Variants in GATAD2B observed in about 807,000 individuals in gnomAD.
GATAD2B encodes the protein transcriptional repressor p66-beta.
A neutral mutation model predicts 64.3 loss-of-function variants in GATAD2B; 8 were observed. The ratio of observed to expected loss-of-function variants is 0.12; its 90% CI spans 0.07 to 0.22. The LOEUF is 0.22. Among genes scored for constraint, GATAD2B ranks in the 10% least tolerant of loss-of-function variants. The pLI is 1.00. For missense variants in GATAD2B, 453 were observed against 752.0 expected (o/e 0.60, Z 4.65); for synonymous variants, 281 against 271.3 (o/e 1.04, Z -0.35).
chr1:153,905,038 T>C (rs1677884734), intron 1 of GATAD2B, among the ~76,000 whole-genome samples: 1 of 151,070 alleles, frequency 6.6e-6, no homozygotes, highest in Admixed American at 6.6e-5. Flanking sequence ...GAGACGGGGT[T>C]TCACTATATG....
At chr1:153,842,627 TTTTG>T (rs1339150506) in intron 1 of GATAD2B, among the ~76,000 whole-genome samples, 6 of 146,836 alleles carry the variant, frequency 4.1e-5, no homozygotes, top group African/African-American at 9.9e-5. Context: ...TTGTTTTTGC[TTTTG>T]TTTTTTAAAA....
intron 1 of GATAD2B, among the ~76,000 whole-genome samples, chr1:153,876,229 A>G (rs1053480484): frequency 1.9e-5 from 1 of 52,556 alleles, no homozygotes; most frequent in Non-Finnish European, 4.0e-5. Context: ...CTTCGTCTCA[A>G]AAAAAAAAAA....
At chr1:153,813,878 TGA>T (rs1674371797) in intron 7 of GATAD2B, among the ~76,000 whole-genome samples, 1 of 152,230 alleles carries the variant, frequency 6.6e-6, no homozygotes, top group South Asian at 2.1e-4. Flanking sequence ...CTCAGGAGGC[TGA>T]GGCAGGAGAA....
chr1:153,810,756 A>C (rs978594334), intron 10 of GATAD2B, among the ~76,000 whole-genome samples: 1 of 151,124 alleles, frequency 6.6e-6, no homozygotes, highest in African/African-American at 2.4e-5. Flanking sequence ...GCACCCAGCC[A>C]ATTAATTTTG....
At chr1:153,838,428 T>G (rs1209222881) in intron 1 of GATAD2B, among the ~76,000 whole-genome samples, 2 of 152,114 alleles carry the variant, frequency 1.3e-5, no homozygotes, top group Admixed American at 1.3e-4. Flanking sequence ...TGTTTTGAGA[T>G]GGAGTTTTTG....
At chr1:153,911,476 T>G (rs1433781155) in intron 1 of GATAD2B, among the ~76,000 whole-genome samples, 1 of 152,214 alleles carries the variant, frequency 6.6e-6, no homozygotes, top group Non-Finnish European at 1.5e-5. Flanking sequence ...GGCTCACACC[T>G]GTAATCCCAG....
At chr1:153,896,410 G>A (rs1017554406) in intron 1 of GATAD2B, among the ~76,000 whole-genome samples, 13 of 149,226 alleles carry the variant, frequency 8.7e-5, no homozygotes, top group Admixed American at 8.1e-4. Flanking sequence ...TTGAGGTCCT[G>A]TAAGAGTGAA....
At chr1:153,841,665 T>TAAACC (rs1675500637) in intron 1 of GATAD2B, among the ~76,000 whole-genome samples, 1 of 152,206 alleles carries the variant, frequency 6.6e-6, no homozygotes, top group African/African-American at 2.4e-5. Context: ...TATTCCATGG[T>TAAACC]ATGGATGTAC....
intron 1 of GATAD2B, among the ~76,000 whole-genome samples, chr1:153,910,598 G>C (rs1302408506): frequency 1.3e-5 from 2 of 152,092 alleles, no homozygotes; most frequent in African/African-American, 2.4e-5. Flanking sequence ...AAATTAGCCA[G>C]ACGTGGTGGC....
chr1:153,869,221 G>C (rs1676581295), intron 1 of GATAD2B, among the ~76,000 whole-genome samples: 1 of 151,688 alleles, frequency 6.6e-6, no homozygotes, highest in Non-Finnish European at 1.5e-5. Flanking sequence ...GAACCCGGGA[G>C]GCAGAGGTTG....
chr1:153,912,472 CA>C (rs770661655), intron 1 of GATAD2B, among the ~76,000 whole-genome samples: 2 of 152,140 alleles, frequency 1.3e-5, no homozygotes, highest in Non-Finnish European at 2.9e-5. Flanking sequence ...TATTAAAGGC[CA>C]AACTGTAGTG....
intron 1 of GATAD2B, among the ~76,000 whole-genome samples, chr1:153,841,087 T>C (rs886705325): frequency 7.3e-6 from 1 of 137,130 alleles, no homozygotes; most frequent in African/African-American, 2.8e-5. Context: ...ATCAGGCCAC[T>C]GCACTCCAGC....
At chr1:153,915,076 AGCCAGGTGTGG>A in intron 1 of GATAD2B, among the ~76,000 whole-genome samples, 1 of 152,324 alleles carries the variant, frequency 6.6e-6, no homozygotes, top group East Asian at 1.9e-4. Flanking sequence ...CACAAAAACT[AGCCAGGTGTGG>A]TGGCATGTGC....
chr1:153,914,372 C>T (rs1017583371), intron 1 of GATAD2B, among the ~76,000 whole-genome samples: 2 of 151,848 alleles, frequency 1.3e-5, no homozygotes, highest in Non-Finnish European at 1.5e-5. Context: ...AGAAACCTAG[C>T]GAAATAGATA....
At chr1:153,855,192 T>C (rs74615598) in intron 1 of GATAD2B, among the ~76,000 whole-genome samples, 2 of 151,458 alleles carry the variant, frequency 1.3e-5, no homozygotes, top group Admixed American at 1.3e-4. Context: ...CCGTATTTTT[T>C]TGAAACGTAA....
chr1:153,859,628 C>A (rs1171593761), intron 1 of GATAD2B, among the ~76,000 whole-genome samples: 1 of 150,322 alleles, frequency 6.7e-6, no homozygotes, highest in Admixed American at 6.7e-5. Flanking sequence ...TGAGACTGCA[C>A]CACTCCACTC....
intron 1 of GATAD2B, chr1:153,852,968 G>C: frequency 2.2e-6 from 2 of 919,188 alleles, no homozygotes; most frequent in Non-Finnish European, 1.8e-6. Flanking sequence ...ACACAGACTT[G>C]GGTCTTCTCC....
rs1412700141 is a variant in GATAD2B at position 153,806,610 on chromosome 1, CA to C, written c.*3566del. ...GGCTAGGGCTTTTTTTTCTCTTTTTCAGGTTTTTTTTTTTTTCTACACAATG... is the reference window on the plus strand; with the variant it reads ...GGCTAGGGCTTTTTTTTCTCTTTTTCGGTTTTTTTTTTTTTCTACACAATG... On this transcript the variant is annotated 3_prime_UTR_variant, in exon 11 of 11. Coordinates refer to ENST00000368655, the MANE Select transcript of GATAD2B (RefSeq NM_020699.4). 2 of 124,530 alleles carry C rather than the reference CA, an allele frequency of 1.6e-5. No individual in the cohort carries two copies. Among genetic ancestry groups the C allele is most frequent in the South Asian group, 2.4e-4 (1 of 4,234 alleles). The allele number at this position is 124,530 out of a possible 1,614,324, so 7.7% of individuals were successfully genotyped here.
intron 1 of GATAD2B, among the ~76,000 whole-genome samples, chr1:153,908,161 C>T (rs994062488): frequency 1.3e-5 from 2 of 152,098 alleles, no homozygotes; most frequent in African/African-American, 4.8e-5. Flanking sequence ...CACGCACGCA[C>T]ACATCTATGT....
Sources: allele counts gnomAD v4.1 joint callset (sites outside exome capture counted in the v4.1 genomes callset), GRCh38; gene constraint gnomAD v4.1.1; transcripts MANE v1.5; gene names NCBI Gene and HGNC (gene_info 2026-07-23, HGNC 2026-07-21).